The following TGFBR3 variants were observed in gnomAD, a reference collection of about 807,000 sequenced individuals.
TGFBR3 encodes transforming growth factor beta receptor 3.
Under a neutral mutation model 87.9 loss-of-function variants are expected in TGFBR3, and 46 were observed. That is an observed-to-expected ratio of 0.52 (90% CI 0.41 to 0.67). TGFBR3 has a LOEUF of 0.67. Among genes scored for constraint, TGFBR3 ranks in the 30% least tolerant of loss-of-function variants. The pLI, the probability that TGFBR3 is intolerant of heterozygous loss-of-function variation, is 0.00. For missense variants in TGFBR3, 866 were observed against 1,041.9 expected (o/e 0.83, Z 2.32); for synonymous variants, 381 against 391.6 (o/e 0.97, Z 0.32).
rs1670952892 is a variant in TGFBR3, at chr1:91,682,742, A to G, written c.*997T>C. The stretch of plus-strand genomic sequence containing the variant: ...TTTGAGTGGAAACACTCACCCTACC[A>G]AATATACTTAAGTTGCAACTCTAAA... On this transcript the variant is annotated 3_prime_UTR_variant, in exon 17 of 17. Coordinates refer to ENST00000212355, the MANE Select transcript of TGFBR3 (RefSeq NM_003243.5). The G allele has an allele frequency of 2.2e-6, 1 of 453,856 alleles. No homozygotes were observed. The highest frequency in any genetic ancestry group is 2.0e-5 in the African/African-American group (1 of 49,966). The allele number at this position is 453,856 out of a possible 1,614,324, so 28.1% of individuals were successfully genotyped here.
intron 2 of TGFBR3, among the ~76,000 whole-genome samples, chr1:91,802,609 C>T (rs555196862): frequency 4.4e-4 from 67 of 152,258 alleles, no homozygotes; most frequent in Non-Finnish European, 1.8e-4. Context: ...GATCCACCTG[C>T]GTTGGCCTCC....
intron 16 of TGFBR3, among the ~76,000 whole-genome samples, chr1:91,692,332 C>T (rs1031786186): frequency 2.0e-5 from 3 of 151,886 alleles, no homozygotes; most frequent in African/African-American, 4.8e-5. Flanking sequence ...ATGAGCTAAG[C>T]GCCAAAAATA....
Position 91,682,404 on chromosome 1 carries a change from CTTTTTTTTT to C in TGFBR3, c.*1326_*1334del, listed in dbSNP as rs59188054. ...AGCATGATAATTCCCCCCTGGCATTCTTTTTTTTTTTTTTTTTTTTTAACAAGGAGGTAT... is the reference window on the plus strand; with the variant it reads ...AGCATGATAATTCCCCCCTGGCATTCTTTTTTTTTTTTAACAAGGAGGTAT... On this transcript the variant is annotated 3_prime_UTR_variant, in exon 17 of 17. Coordinates refer to ENST00000212355, the MANE Select transcript of TGFBR3 (RefSeq NM_003243.5). 1.2e-5 allele frequency: 4 copies of C among 347,472 alleles called. No homozygotes were observed. Among genetic ancestry groups the C allele is most frequent in the South Asian group, 2.1e-5 (1 of 48,134 alleles). The allele number at this position is 347,472 out of a possible 1,614,324, so 21.5% of individuals were successfully genotyped here.
At chr1:91,880,407 A>G (rs1027057454) in intron 1 of TGFBR3, among the ~76,000 whole-genome samples, 2 of 151,930 alleles carry the variant, frequency 1.3e-5, no homozygotes, top group Non-Finnish European at 2.9e-5. Context: ...AGACCATCCT[A>G]GCTAACACGG....
chr1:91,776,363 A>C (rs937194203), intron 3 of TGFBR3, among the ~76,000 whole-genome samples: 13 of 152,348 alleles, frequency 8.5e-5, no homozygotes, highest in Admixed American at 5.2e-4. Context: ...TCATTATTGA[A>C]TAAATGCCTA....
intron 2 of TGFBR3, among the ~76,000 whole-genome samples, chr1:91,804,484 T>TC (rs1457170076): frequency 6.6e-6 from 1 of 151,882 alleles, no homozygotes; most frequent in Non-Finnish European, 1.5e-5. Flanking sequence ...CTCCCATCCT[T>TC]CCCCCTTGGC....
chr1:91,805,948 C>T (rs1416922533), intron 2 of TGFBR3, among the ~76,000 whole-genome samples: 36 of 152,200 alleles, frequency 2.4e-4, no homozygotes, highest in Admixed American at 2.4e-3. Flanking sequence ...TGGCAGAGCA[C>T]CACCTGCCTC....
intron 2 of TGFBR3, among the ~76,000 whole-genome samples, chr1:91,832,432 A>G (rs1190179057): frequency 2.0e-5 from 3 of 152,220 alleles, no homozygotes; most frequent in Non-Finnish European, 4.4e-5. Context: ...ATTATTATCT[A>G]TGGAGTGTTT....
chr1:91,726,712 G>A (rs1672560773), intron 7 of TGFBR3, among the ~76,000 whole-genome samples: 1 of 146,166 alleles, frequency 6.8e-6, no homozygotes, highest in African/African-American at 2.6e-5. Context: ...CAAAACCAAG[G>A]GCATCCCTCT....
At chr1:91,725,411 C>T (rs2100797250) in intron 7 of TGFBR3, among the ~76,000 whole-genome samples, 1 of 152,242 alleles carries the variant, frequency 6.6e-6, no homozygotes, top group African/African-American at 2.4e-5. Context: ...GGAAGATGAA[C>T]CCCCTTTTTA....
chr1:91,694,701 T>C (rs749582375), intron 16 of TGFBR3, among the ~76,000 whole-genome samples: 3 of 152,222 alleles, frequency 2.0e-5, no homozygotes, highest in East Asian at 3.8e-4. Flanking sequence ...ATTGGTTTAA[T>C]GGACAATTAA....
chr1:91,719,502 A>T lies in TGFBR3; in HGVS notation c.1414-38T>A, dbSNP rs61748118. ...CCACCAAAGACATGGTTGGAGGCCC[A>T]CAGGCAGTTCTGTTGTATAATTGAC... On this transcript the variant is annotated intron_variant, in intron 9 of 16. Transcript: ENST00000212355. 914 of 1,613,046 alleles carry T rather than the reference A, an allele frequency of 5.7e-4. 8 individuals carry two copies. In the East Asian group the frequency reaches 0.015, roughly 27 times the overall value.
chr1:91,874,706 G>T (rs1486286827), intron 1 of TGFBR3, among the ~76,000 whole-genome samples: 2 of 151,948 alleles, frequency 1.3e-5, no homozygotes, highest in African/African-American at 4.8e-5. Flanking sequence ...TGCTGGCCAG[G>T]CTGGTCTCAA....
intron 2 of TGFBR3, among the ~76,000 whole-genome samples, chr1:91,820,851 T>C (rs1676424143): frequency 6.6e-6 from 1 of 152,186 alleles, no homozygotes; most frequent in South Asian, 2.1e-4. Flanking sequence ...ACTATGTGTA[T>C]TTGTCCATAT....
chr1:91,778,665 G>C (rs770627904), intron 3 of TGFBR3, among the ~76,000 whole-genome samples: 12 of 152,124 alleles, frequency 7.9e-5, no homozygotes, highest in Non-Finnish European at 1.5e-4. Flanking sequence ...ATTTATTCAT[G>C]CAAATGTTTA....
intron 10 of TGFBR3, among the ~76,000 whole-genome samples, chr1:91,719,009 C>T (rs1465897938): frequency 6.6e-6 from 1 of 152,138 alleles, no homozygotes; most frequent in Admixed American, 6.5e-5. Context: ...TTATAAGGGC[C>T]AGTTGAGCTT....
chr1:91,778,858 A>T (rs1039386538), intron 3 of TGFBR3, among the ~76,000 whole-genome samples: 4 of 152,250 alleles, frequency 2.6e-5, no homozygotes, highest in Non-Finnish European at 5.9e-5. Flanking sequence ...ACAGTAAAAG[A>T]GAGTGTGTCT....
At chr1:91,763,128 C>G (rs1674034949) in intron 3 of TGFBR3, among the ~76,000 whole-genome samples, 2 of 152,142 alleles carry the variant, frequency 1.3e-5, no homozygotes, top group Non-Finnish European at 2.9e-5. Context: ...AGGGGGAAAC[C>G]CTACTTGCTT....
chr1:91,902,574 C>A (rs188480707), intron 1 of TGFBR3, among the ~76,000 whole-genome samples: 282 of 152,060 alleles, frequency 1.9e-3, no homozygotes, highest in African/African-American at 6.3e-3. Flanking sequence ...TGAGCCACCA[C>A]ACCCAGCCAA....
Sources: allele counts gnomAD v4.1 joint callset (sites outside exome capture counted in the v4.1 genomes callset), GRCh38; gene constraint gnomAD v4.1.1; transcripts MANE v1.5; gene names NCBI Gene and HGNC (gene_info 2026-07-23, HGNC 2026-07-21).